The following ELOVL6 variants were observed in gnomAD, a reference collection of about 807,000 sequenced individuals.
The protein encoded by ELOVL6 is ELOVL fatty acid elongase 6.
A neutral mutation model predicts 31.7 loss-of-function variants in ELOVL6; 8 were observed. The observed-to-expected ratio is 0.25, with a 90% CI of 0.15 to 0.45. The LOEUF (loss-of-function observed/expected upper bound fraction) is 0.45, where lower values mean the gene tolerates loss of function less well. ELOVL6 is among the 20% of genes least tolerant of loss of function. The pLI, the probability that ELOVL6 is intolerant of heterozygous loss-of-function variation, is 1.00. For missense variants in ELOVL6, 126 were observed against 326.4 expected (o/e 0.39, Z 4.73); for synonymous variants, 101 against 117.7 (o/e 0.86, Z 0.92).
At chr4:110,185,064 A>G (rs530534281) in intron 1 of ELOVL6, among the ~76,000 whole-genome samples, 1 of 152,346 alleles carries the variant, frequency 6.6e-6, no homozygotes, top group South Asian at 2.1e-4. Context: ...ATGGACATGG[A>G]GCAAGCTTCT....
At chr4:110,080,731 G>T (rs1366833226) in intron 2 of ELOVL6, among the ~76,000 whole-genome samples, 2 of 152,164 alleles carry the variant, frequency 1.3e-5, no homozygotes, top group Admixed American at 6.5e-5. Flanking sequence ...AGTGTTGGAA[G>T]TTCTGGCCAG....
intron 2 of ELOVL6, among the ~76,000 whole-genome samples, chr4:110,088,732 G>A (rs867291964): frequency 1.1e-4 from 16 of 152,128 alleles, no homozygotes; most frequent in African/African-American, 3.6e-4. Context: ...TTGAACACAA[G>A]CACTGTGACA....
chr4:110,059,359 A>C (rs1755077956), intron 3 of ELOVL6, among the ~76,000 whole-genome samples: 1 of 152,190 alleles, frequency 6.6e-6, no homozygotes, highest in Non-Finnish European at 1.5e-5. Context: ...TTTTTAGTAG[A>C]GCTCGAAAAT....
At chr4:110,093,125 G>C in intron 2 of ELOVL6, 2 of 452,528 alleles carry the variant, frequency 4.4e-6, no homozygotes, top group Non-Finnish European at 8.8e-6. Flanking sequence ...GTTTCAAGTT[G>C]TTATAGCACC....
At chr4:110,078,518 A>C (rs1416255574) in intron 2 of ELOVL6, among the ~76,000 whole-genome samples, 3 of 152,134 alleles carry the variant, frequency 2.0e-5, no homozygotes, top group Non-Finnish European at 2.9e-5. Context: ...GAAATAAAAT[A>C]CTTTACAGAC....
At position 110,080,598 on chromosome 4, in the gene ELOVL6, A is replaced by C. The variant is rs1303217111; in HGVS notation, c.222-20844T>G. 7.0e-4 allele frequency among the ~76,000 whole-genome samples: 106 copies of C among 152,360 alleles called. 1 individual carries two copies. Among genetic ancestry groups the C allele is most frequent in the Non-Finnish European group, 2.9e-5 (2 of 68,042 alleles). On this transcript the variant is annotated intron_variant, in intron 2 of 3. Coordinates refer to ENST00000302274, the MANE Select transcript of ELOVL6 (RefSeq NM_024090.3). ...GTATTGATGGGATGTATCTCAGAAT[A>C]ATAACAGCTATCCGTGACAAACCCA...
At chr4:110,196,088 C>G (rs1160301154) in intron 1 of ELOVL6, among the ~76,000 whole-genome samples, 1 of 152,132 alleles carries the variant, frequency 6.6e-6, no homozygotes, top group Non-Finnish European at 1.5e-5. Context: ...GAAATGGTAC[C>G]TGAAGCAGGC....
chr4:110,105,454 G>C (rs749845848), intron 2 of ELOVL6, 43 bp downstream of exon 2: 3 of 1,556,556 alleles, frequency 1.9e-6, no homozygotes, highest in African/African-American at 2.8e-5. Flanking sequence ...TTCAGCAAGT[G>C]ATAAAATGGA....
chr4:110,148,341 T>G (rs368088712), intron 1 of ELOVL6, among the ~76,000 whole-genome samples: 9 of 152,184 alleles, frequency 5.9e-5, no homozygotes, highest in African/African-American at 2.2e-4. Context: ...TGGATGGAAC[T>G]GGAGGTCATT....
chr4:110,173,949 T>C (rs1392840033), intron 1 of ELOVL6, among the ~76,000 whole-genome samples: 1 of 150,902 alleles, frequency 6.6e-6, no homozygotes, highest in Non-Finnish European at 1.5e-5. Flanking sequence ...TGTTTACCTA[T>C]GTAACAAACC....
intron 2 of ELOVL6, among the ~76,000 whole-genome samples, chr4:110,078,865 C>T (rs1212972021): frequency 6.6e-6 from 1 of 152,120 alleles, no homozygotes; most frequent in Non-Finnish European, 1.5e-5. Context: ...CAGAGACACA[C>T]ATAGGCTCAA....
chr4:110,115,181 G>A (rs112838079), intron 1 of ELOVL6, among the ~76,000 whole-genome samples: 2,064 of 152,070 alleles, frequency 0.014, 42 homozygotes, highest in African/African-American at 0.046. Flanking sequence ...AAAGAAACTG[G>A]GGAAGCAATG....
chr4:110,082,090 A>T (rs1478717629), intron 2 of ELOVL6, among the ~76,000 whole-genome samples: 1 of 146,066 alleles, frequency 6.8e-6, no homozygotes, highest in African/African-American at 2.5e-5. Context: ...AAAGTCAGGA[A>T]GCAACAGGTG....
chr4:110,070,200 C>T (rs1755429436), intron 2 of ELOVL6, among the ~76,000 whole-genome samples: 2 of 152,158 alleles, frequency 1.3e-5, no homozygotes, highest in African/African-American at 4.8e-5. Context: ...CTGATTTCAA[C>T]TACAAATGGA....
chr4:110,162,664 G>A (rs1758664327), intron 1 of ELOVL6, among the ~76,000 whole-genome samples: 1 of 152,052 alleles, frequency 6.6e-6, no homozygotes, highest in South Asian at 2.1e-4. Context: ...AGATATTTTG[G>A]ATGACTGTTT....
At chr4:110,162,788 T>C (rs1743812136) in intron 1 of ELOVL6, among the ~76,000 whole-genome samples, 1 of 152,228 alleles carries the variant, frequency 6.6e-6, no homozygotes, top group Non-Finnish European at 1.5e-5. Context: ...ACATAATAAA[T>C]TCCACTGTTT....
intron 1 of ELOVL6, among the ~76,000 whole-genome samples, chr4:110,192,203 A>AAAAG (rs1236472727): frequency 6.6e-6 from 1 of 151,886 alleles, no homozygotes; most frequent in African/African-American, 2.4e-5. Context: ...AAAAAAAAAA[A>AAAAG]AAAGAAAGAA....
At chr4:110,084,666 C>T (rs1280860695) in intron 2 of ELOVL6, among the ~76,000 whole-genome samples, 1 of 131,942 alleles carries the variant, frequency 7.6e-6, no homozygotes, top group Non-Finnish European at 1.6e-5. Flanking sequence ...GTGATCTCGG[C>T]TCACTGCAAC....
intron 2 of ELOVL6, among the ~76,000 whole-genome samples, chr4:110,085,913 C>T (rs1032974140): frequency 2.0e-5 from 3 of 152,106 alleles, no homozygotes; most frequent in Admixed American, 6.5e-5. Context: ...GATGGGGTTT[C>T]GCCATGTTGC....
Sources: gnomAD v4.1 joint callset for allele counts (sites outside exome capture counted in the v4.1 genomes callset) on GRCh38, gnomAD v4.1.1 for gene constraint, MANE v1.5 for transcripts, NCBI Gene and HGNC (gene_info 2026-07-23, HGNC 2026-07-21) for gene names.